The following CD6 variants were observed in gnomAD, a reference collection of about 807,000 sequenced individuals.
The protein encoded by CD6 is T-cell differentiation antigen CD6.
In CD6, 53 loss-of-function variants were observed where a neutral mutation model predicts 75.3. The observed-to-expected ratio is 0.70, with a 90% confidence interval of 0.56 to 0.88. The LOEUF is 0.88. Ranked by LOEUF, CD6 falls within the 40% of genes least tolerant of loss-of-function variation. CD6 has a pLI of 0.00. For missense variants in CD6, 770 were observed against 897.1 expected, an observed-to-expected ratio of 0.86 and a Z score of 1.81; for synonymous variants, 359 against 381.5, an observed-to-expected ratio of 0.94 and a Z score of 0.69.
intron 3 of CD6, 73 bp from the exon 4 acceptor site, chr11:61,008,461 C>T: frequency 7.2e-7 from 1 of 1,379,530 alleles, no homozygotes; most frequent in South Asian, 1.4e-5. Context: ...ACTCTCCGGC[C>T]AGTCCAACCA....
At chr11:61,019,191 C>T (rs528940541) in intron 12 of CD6, 63 bp from the exon 13 acceptor site, 18 of 1,296,942 alleles carry the variant, frequency 1.4e-5, no homozygotes, top group South Asian at 3.8e-5. Flanking sequence ...CACTCAGCTC[C>T]GTCCTGTGGG....
chr11:60,972,264 A>G (rs1236424755), intron 1 of CD6, among the ~76,000 whole-genome samples: 1 of 152,162 alleles, frequency 6.6e-6, no homozygotes, highest in Non-Finnish European at 1.5e-5. Flanking sequence ...GGAACCGTTC[A>G]CCTTCCAGAG....
Position 61,008,798 on chromosome 11 carries a change from G to T in CD6, c.734G>T (p.Gly245Val). ...AYLWDCPGLP[G>V]QHYCGHKEDA... is the part of the protein sequence containing the mutation. ...CTGTGGGACTGCCCGGGGCTGCCAG[G>T]ACAGCACTACTGCGGCCACAAAGAG... Residue 245 changes from glycine (G) to valine (V), a missense_variant, in exon 4 of 13, where the codon GGA (glycine) becomes GTA (valine). Gly to Val is a moderately radical substitution (Grantham distance 109). Coordinates refer to ENST00000313421, the MANE Select transcript of CD6 (RefSeq NM_006725.5). The T allele has an allele frequency of 1.3e-6, 2 of 1,585,508 alleles. No individual in the cohort carries two copies. The highest frequency in any genetic ancestry group is 8.6e-7 in the Non-Finnish European group (1 of 1,163,368).
chr11:60,976,172 C>T lies in CD6; in HGVS notation c.49+4258C>T, dbSNP rs115599490. On this transcript the variant is annotated intron_variant, in intron 1 of 12. Transcript: ENST00000313421. ...TAATTTTCATTCCTCACTCCCCTCC[C>T]ATCTTCCCACCTTTTGGAATCTCTG... Among the ~76,000 whole-genome samples, 415 of 152,278 alleles carry T rather than the reference C, an allele frequency of 2.7e-3. 3 individuals carry two copies. Among genetic ancestry groups the T allele is most frequent in the African/African-American group, 9.5e-3 (395 of 41,560 alleles).
chr11:61,017,364 T>C (rs1013213471), intron 9 of CD6, 115 bp from the exon 10 acceptor site: 16 of 734,848 alleles, frequency 2.2e-5, no homozygotes, highest in Non-Finnish European at 3.6e-5. Flanking sequence ...GCCTCCGGAG[T>C]TGTCCTCCCA....
At position 61,000,666 on chromosome 11, in the gene CD6, C is replaced by T. The variant is rs561610901; in HGVS notation, c.50-5908C>T. On this transcript the variant is annotated intron_variant, in intron 1 of 12. Coordinates refer to ENST00000313421, the MANE Select transcript of CD6 (RefSeq NM_006725.5). ...CTCAGCTTTCCCTCGATGTCTATGC[C>T]TCCTTTCTCCACAAGTCCCTCACCT... Among the ~76,000 whole-genome samples the T allele has an allele frequency of 3.3e-5, 5 of 152,312 alleles. No individual in the cohort carries two copies. In the South Asian group the frequency reaches 6.2e-4, roughly 19 times the overall value.
intron 1 of CD6, among the ~76,000 whole-genome samples, chr11:60,995,591 C>G (rs1212628021): frequency 6.6e-6 from 1 of 152,174 alleles, no homozygotes; most frequent in African/African-American, 2.4e-5. Context: ...AGCTTCCTCC[C>G]CTAAATTCAT....
chr11:60,992,775 C>A (rs1450190093), intron 1 of CD6, among the ~76,000 whole-genome samples: 2 of 152,040 alleles, frequency 1.3e-5, no homozygotes, highest in East Asian at 3.8e-4. Context: ...TTGCAGTGAA[C>A]CAAGATCGTG....
At chr11:61,004,905 A>C (rs938791599) in intron 1 of CD6, among the ~76,000 whole-genome samples, 2 of 152,190 alleles carry the variant, frequency 1.3e-5, no homozygotes, top group African/African-American at 2.4e-5. Context: ...TTGGCTCAAA[A>C]GCAGGCAGAC....
At chr11:60,975,705 T>C (rs1236454325) in intron 1 of CD6, among the ~76,000 whole-genome samples, 1 of 151,868 alleles carries the variant, frequency 6.6e-6, no homozygotes, top group East Asian at 1.9e-4. Flanking sequence ...AAGGCTGAGG[T>C]AGGAGGATGG....
intron 1 of CD6, among the ~76,000 whole-genome samples, chr11:61,001,491 G>A (rs117317787): frequency 0.015 from 2,290 of 152,216 alleles, 19 homozygotes; most frequent in African/African-American, 0.016. Context: ...GTGAGCCACC[G>A]TGCCTGGCCG....
rs564143243 is a variant in CD6, at chr11:60,998,649, G to A, written c.50-7925G>A. ...GGGAATGAGTATGGCTTTAGCTGGC[G>A]TGGCCACACTGTCTGCCCAGGTGCT... On this transcript the variant is annotated intron_variant, in intron 1 of 12. Coordinates refer to ENST00000313421, the MANE Select transcript of CD6 (RefSeq NM_006725.5). Among the ~76,000 whole-genome samples, 6 of 152,256 alleles carry A rather than the reference G, an allele frequency of 3.9e-5. No individual in the cohort carries two copies. In the South Asian group the frequency reaches 6.2e-4, roughly 16 times the overall value.
chr11:60,986,840 T>C (rs920824686), intron 1 of CD6, among the ~76,000 whole-genome samples: 1 of 152,118 alleles, frequency 6.6e-6, no homozygotes, highest in African/African-American at 2.4e-5. Context: ...AGAAATGTAT[T>C]GTCTCTCCCT....
chr11:61,016,368 G>A (rs1000850230), intron 9 of CD6, among the ~76,000 whole-genome samples: 1 of 152,212 alleles, frequency 6.6e-6, no homozygotes, highest in African/African-American at 2.4e-5. Context: ...TGGGAGGTTG[G>A]AATAGACCAG....
intron 1 of CD6, among the ~76,000 whole-genome samples, chr11:60,988,671 C>T (rs527642288): frequency 1.3e-5 from 2 of 152,304 alleles, no homozygotes; most frequent in South Asian, 4.1e-4. Flanking sequence ...CTGATGATGT[C>T]TGATGGCTTC....
intron 1 of CD6, among the ~76,000 whole-genome samples, chr11:60,996,353 A>C (rs1377706312): frequency 1.3e-5 from 2 of 152,090 alleles, no homozygotes; most frequent in Admixed American, 6.6e-5. Context: ...GCCCGAGATA[A>C]GTAGCTGCTC....
chr11:60,995,311 A>T (rs1223728803), intron 1 of CD6, among the ~76,000 whole-genome samples: 2 of 151,504 alleles, frequency 1.3e-5, no homozygotes, highest in African/African-American at 4.9e-5. Flanking sequence ...CATCCAGCTA[A>T]TTTTTGTATT....
chr11:61,006,387 C>T (rs1858859165), intron 1 of CD6, among the ~76,000 whole-genome samples, 187 bp from the exon 2 acceptor site: 1 of 152,164 alleles, frequency 6.6e-6, no homozygotes, highest in Non-Finnish European at 1.5e-5. Flanking sequence ...TCCTGAAATG[C>T]CAATGTTTGA....
chr11:61,008,386 TG>T, intron 3 of CD6, 147 bp from the exon 4 acceptor site: 1 of 763,378 alleles, frequency 1.3e-6, no homozygotes, highest in Non-Finnish European at 2.1e-6. Flanking sequence ...TCTGCAGTCC[TG>T]GGGGGATTCC....
Sources: allele counts gnomAD v4.1 joint callset (sites outside exome capture counted in the v4.1 genomes callset), GRCh38; gene constraint gnomAD v4.1.1; transcripts MANE v1.5; gene names NCBI Gene and HGNC (gene_info 2026-07-23, HGNC 2026-07-21).